The following CFAP99 variants were observed in gnomAD, a reference collection of about 807,000 sequenced individuals.
CFAP99 encodes the protein cilia and flagella associated protein 99.
Under a neutral mutation model 82.7 loss-of-function variants are expected in CFAP99, and 84 were observed. The observed-to-expected ratio is 1.02, with a 90% CI of 0.85 to 1.22. CFAP99 has a LOEUF of 1.22. Among genes scored for constraint, CFAP99 ranks in the 50% most tolerant of loss-of-function variants. The pLI is 0.00. For synonymous variants in CFAP99, 456 were observed against 429.5 expected (o/e 1.06, Z -0.76); for missense variants, 1,059 against 983.5 (o/e 1.08, Z -1.03).
chr4:2,458,753 A>G (rs1361463484), exon 12 of CFAP99: 1 of 1,535,388 alleles, frequency 6.5e-7, no homozygotes. Context: ...GCGTGCAGAG[A>G]GACGGCTCCG....
chr4:2,443,780 T>C (rs1459660579), intron 5 of CFAP99, among the ~76,000 whole-genome samples: 5 of 152,190 alleles, frequency 3.3e-5, no homozygotes, highest in Admixed American at 1.3e-4. Flanking sequence ...CCTTGCTGCC[T>C]TCTCCTGCCT....
At chr4:2,460,277 G>A in intron 14 of CFAP99, 35 bp downstream of exon 14, 2 of 1,523,776 alleles carry the variant, frequency 1.3e-6, no homozygotes, top group East Asian at 2.4e-5. Flanking sequence ...GCCTCTGGGT[G>A]GACAGGGAGC....
intron 2 of CFAP99, among the ~76,000 whole-genome samples, chr4:2,432,587 C>T (rs1165491422): frequency 6.6e-6 from 1 of 152,168 alleles, no homozygotes; most frequent in Admixed American, 6.5e-5. Context: ...CAACCTGCCC[C>T]GGCCTGGACC....
At chr4:2,454,155 G>A (rs1734369333) in intron 11 of CFAP99, among the ~76,000 whole-genome samples, 1 of 152,176 alleles carries the variant, frequency 6.6e-6, no homozygotes. Context: ...ATGCCACAAT[G>A]CCCAGCTATT....
Position 2,441,243 on chromosome 4 carries a change from C to T in CFAP99, c.352-1887C>T, listed in dbSNP as rs555259515. Among the ~76,000 whole-genome samples, 402 of 151,602 alleles carry T rather than the reference C, an allele frequency of 2.7e-3. 1 individual carries two copies. Among genetic ancestry groups the T allele is most frequent in the African/African-American group, 8.1e-3 (334 of 41,326 alleles). On this transcript the variant is annotated intron_variant, in intron 4 of 14. Transcript: ENST00000635017. The stretch of plus-strand genomic sequence containing the variant: ...AAAAAATTAGCCGGTCATGGTGGCA[C>T]GCGCCTATAATCCCAGCTACTCAGG...
rs1733807181 is a variant in CFAP99, at chr4:2,431,769, C to A, written c.112-5105C>A. Among the ~76,000 whole-genome samples the A allele has an allele frequency of 2.0e-5, 3 of 151,596 alleles. No homozygotes were observed. In the South Asian group the frequency reaches 6.2e-4, roughly 32 times the overall value. On this transcript the variant is annotated intron_variant, in intron 2 of 14. Coordinates refer to ENST00000635017, the Ensembl canonical transcript of CFAP99. Reference sequence around the variant, plus strand: ...ATTTTTTTTTTTTGAGACACTCCCTCACCTAGGTTGCAGTACAGCTCATGG... The same window carrying A: ...ATTTTTTTTTTTTGAGACACTCCCTAACCTAGGTTGCAGTACAGCTCATGG...
At chr4:2,450,161 C>G (rs1035606143) in intron 8 of CFAP99, 156 bp downstream of exon 8, 1 of 740,030 alleles carries the variant, frequency 1.4e-6, no homozygotes, top group African/African-American at 1.7e-5. Flanking sequence ...GAAAGTGTGC[C>G]TTGAGCCCAC....
chr4:2,421,380 CGT>C (rs777726719), intron 1 of CFAP99, among the ~76,000 whole-genome samples: 159 of 98,060 alleles, frequency 1.6e-3, no homozygotes, highest in Non-Finnish European at 2.6e-3. Context: ...TTTGAGATGG[CGT>C]CTCGCTCTGT....
intron 6 of CFAP99, among the ~76,000 whole-genome samples, chr4:2,447,428 A>G (rs1734189617): frequency 6.7e-6 from 1 of 149,278 alleles, no homozygotes; most frequent in Admixed American, 6.7e-5. Flanking sequence ...TGAATGGGTG[A>G]TCAGTTGGAT....
intron 1 of CFAP99, among the ~76,000 whole-genome samples, chr4:2,424,979 A>C (rs1733655486): frequency 6.6e-6 from 1 of 152,182 alleles, no homozygotes; most frequent in Non-Finnish European, 1.5e-5. Flanking sequence ...TTGGACCTTC[A>C]GGAATCGTTC....
intron 1 of CFAP99, among the ~76,000 whole-genome samples, chr4:2,422,809 C>G (rs560073637): frequency 7.0e-4 from 106 of 152,262 alleles, no homozygotes; most frequent in African/African-American, 2.4e-3. Flanking sequence ...AGAAGTAGAC[C>G]TTTACATTTA....
intron 9 of CFAP99, 44 bp downstream of exon 9, chr4:2,451,062 C>T: frequency 1.3e-6 from 2 of 1,511,386 alleles, no homozygotes; most frequent in Non-Finnish European, 1.8e-6. Context: ...CCCTGGGCAC[C>T]CACCCCTCCA....
At chr4:2,442,027 C>T (rs1051757254) in intron 4 of CFAP99, among the ~76,000 whole-genome samples, 1 of 152,200 alleles carries the variant, frequency 6.6e-6, no homozygotes, top group East Asian at 1.9e-4. Context: ...CCGCAAAGCC[C>T]CACCCCAACT....
At chr4:2,432,570 C>T (rs1733819973) in intron 2 of CFAP99, among the ~76,000 whole-genome samples, 1 of 152,178 alleles carries the variant, frequency 6.6e-6, no homozygotes, top group South Asian at 2.1e-4. Flanking sequence ...GCCCCACACC[C>T]CTCCCCCAAC....
exon 14 of CFAP99, chr4:2,460,094 G>A (rs1420343617): frequency 2.6e-6 from 4 of 1,535,972 alleles, no homozygotes; most frequent in Non-Finnish European, 3.5e-6. Context: ...AGAGCGGCTG[G>A]CCCTGCTCAA....
At chr4:2,459,955 A>G (rs1734575983) in intron 13 of CFAP99, 82 bp from the exon 14 acceptor site, 3 of 1,306,100 alleles carry the variant, frequency 2.3e-6, no homozygotes, top group Non-Finnish European at 2.1e-6. Context: ...GGGTGGGCCT[A>G]TGGAACAGGG....
chr4:2,438,714 G>A (rs1403822558), intron 4 of CFAP99, among the ~76,000 whole-genome samples: 2 of 152,106 alleles, frequency 1.3e-5, no homozygotes, highest in Non-Finnish European at 2.9e-5. Context: ...AGGCTGCAGT[G>A]AGCAGTGATT....
At chr4:2,455,768 T>C (rs180967201) in intron 11 of CFAP99, among the ~76,000 whole-genome samples, 119 of 152,352 alleles carry the variant, frequency 7.8e-4, no homozygotes, top group Non-Finnish European at 1.4e-3. Flanking sequence ...TAAGGATGTC[T>C]AGCTACATGC....
At chr4:2,419,083 G>T (rs144666103) in exon 1 of CFAP99, 2 of 152,240 alleles carry the variant, frequency 1.3e-5, no homozygotes, top group Non-Finnish European at 2.9e-5. Context: ...GCTGCCCCGA[G>T]CGCCCGCCAG....
Sources: gnomAD v4.1 joint callset for allele counts (sites outside exome capture counted in the v4.1 genomes callset) on GRCh38, gnomAD v4.1.1 for gene constraint, MANE v1.5 for transcripts, NCBI Gene and HGNC (gene_info 2026-07-23, HGNC 2026-07-21) for gene names.